The following FRS2 variants were observed in gnomAD, a reference collection of about 807,000 sequenced individuals.
FRS2 encodes fibroblast growth factor receptor substrate 2, also known as FGFR signalling adaptor.
In FRS2, 8 loss-of-function variants were observed where a neutral mutation model predicts 43.9. That is an observed-to-expected ratio of 0.18 (90% CI 0.11 to 0.33). FRS2 has a LOEUF of 0.33. Among genes scored for constraint, FRS2 ranks in the 10% least tolerant of loss-of-function variants. The pLI is 1.00. For synonymous variants in FRS2, 219 were observed against 220.3 expected, an observed-to-expected ratio of 0.99 and a Z score of 0.05; for missense variants, 534 against 627.6, an observed-to-expected ratio of 0.85 and a Z score of 1.59.
chr12:69,482,928 GCC>G (rs1726079673), intron 1 of FRS2, among the ~76,000 whole-genome samples: 1 of 152,128 alleles, frequency 6.6e-6, no homozygotes. Context: ...GTAGGTTAGT[GCC>G]TTGAAAGCTA....
intron 3 of FRS2, among the ~76,000 whole-genome samples, chr12:69,557,636 G>GCGCGCA (rs1309984475): frequency 2.5e-4 from 36 of 146,896 alleles, no homozygotes; most frequent in African/African-American, 3.1e-4. Flanking sequence ...GCGCGCGCGC[G>GCGCGCA]CAGGTGCATG....
chr12:69,481,843 C>T (rs536424363), intron 1 of FRS2, among the ~76,000 whole-genome samples: 1 of 152,292 alleles, frequency 6.6e-6, no homozygotes, highest in Admixed American at 6.5e-5. Context: ...ATGTTTTCCT[C>T]TCAGATTATC....
At chr12:69,558,500 G>C (rs769337158) in intron 3 of FRS2, among the ~76,000 whole-genome samples, 1 of 152,108 alleles carries the variant, frequency 6.6e-6, no homozygotes, top group African/African-American at 2.4e-5. Context: ...CTACATTCCA[G>C]CTCTAAGGAA....
At position 69,558,192 on chromosome 12, in the gene FRS2, G is replaced by A. The variant is rs969084875; in HGVS notation, c.-121-3988G>A. ...AGGTCATTGTACAGTGACACTGCAA[G>A]TCCAGTTGCTGTCGGGGGAATGTTT... On this transcript the variant is annotated intron_variant, in intron 3 of 8. Transcript: ENST00000549921. 2.6e-5 allele frequency among the ~76,000 whole-genome samples: 4 copies of A among 152,346 alleles called. No individual in the cohort carries two copies. The East Asian group carries it at 7.7e-4, about 29-fold the overall frequency.
At chr12:69,492,955 T>C (rs144097748) in intron 1 of FRS2, among the ~76,000 whole-genome samples, 69 of 152,312 alleles carry the variant, frequency 4.5e-4, no homozygotes, top group Non-Finnish European at 8.7e-4. Flanking sequence ...CTATTTTCCT[T>C]TAATTTAGTT....
At chr12:69,483,901 T>C (rs985025633) in intron 1 of FRS2, among the ~76,000 whole-genome samples, 2 of 152,202 alleles carry the variant, frequency 1.3e-5, no homozygotes, top group Non-Finnish European at 2.9e-5. Flanking sequence ...TGTATTCTTT[T>C]AGATTGGGTA....
At chr12:69,527,939 A>G (rs11177704) in intron 1 of FRS2, among the ~76,000 whole-genome samples, 124 of 152,222 alleles carry the variant, frequency 8.1e-4, no homozygotes, top group Non-Finnish European at 1.5e-3. Context: ...GTTTATTTTT[A>G]TACCTAAGGT....
intron 1 of FRS2, among the ~76,000 whole-genome samples, chr12:69,518,038 G>A (rs1040960018): frequency 2.6e-5 from 4 of 152,028 alleles, no homozygotes; most frequent in Admixed American, 2.0e-4. Context: ...CACAAGTTAG[G>A]GAGGACCACT....
intron 1 of FRS2, among the ~76,000 whole-genome samples, chr12:69,516,331 G>A (rs896032962): frequency 6.6e-6 from 1 of 151,596 alleles, no homozygotes; most frequent in African/African-American, 2.4e-5. Flanking sequence ...CCATTCTCCC[G>A]CCTCAGCCTC....
chr12:69,499,663 G>C (rs1052053055), intron 1 of FRS2, among the ~76,000 whole-genome samples: 1 of 152,090 alleles, frequency 6.6e-6, no homozygotes, highest in African/African-American at 2.4e-5. Context: ...TTTGTGGAAT[G>C]AATGAGCTGG....
intron 3 of FRS2, among the ~76,000 whole-genome samples, chr12:69,542,321 G>A (rs12370365): frequency 0.2 from 30,173 of 152,054 alleles, 3,181 homozygotes; most frequent in Middle Eastern, 0.31. Context: ...TTGGTCGTTC[G>A]TATCCATAGG....
At chr12:69,563,731 C>T (rs576590001) in intron 4 of FRS2, among the ~76,000 whole-genome samples, 1 of 152,252 alleles carries the variant, frequency 6.6e-6, no homozygotes, top group South Asian at 2.1e-4. Context: ...TCTCAAGTCC[C>T]TCATTCTACA....
At chr12:69,513,692 A>G (rs1018672383) in intron 1 of FRS2, among the ~76,000 whole-genome samples, 3 of 152,142 alleles carry the variant, frequency 2.0e-5, no homozygotes, top group African/African-American at 7.2e-5. Context: ...TGGTTTTCTG[A>G]TAATAATTAA....
intron 3 of FRS2, among the ~76,000 whole-genome samples, chr12:69,536,098 ATTCTT>A (rs1877249992): frequency 2.4e-5 from 1 of 41,660 alleles, no homozygotes; most frequent in Admixed American, 3.1e-4. Context: ...TAGTATTTTC[ATTCTT>A]TTTTTTTTTT....
At chr12:69,566,571 C>T (rs926379168) in intron 4 of FRS2, among the ~76,000 whole-genome samples, 6 of 151,760 alleles carry the variant, frequency 4.0e-5, no homozygotes, top group Non-Finnish European at 8.8e-5. Flanking sequence ...CACGCCATAG[C>T]ACTCCAGCCT....
chr12:69,565,721 A>G (rs904864243), intron 4 of FRS2, among the ~76,000 whole-genome samples: 4 of 152,304 alleles, frequency 2.6e-5, no homozygotes, highest in East Asian at 3.9e-4. Context: ...GTCCCACTGG[A>G]AAGTCTTCAG....
At chr12:69,482,187 A>G (rs1225101410) in intron 1 of FRS2, among the ~76,000 whole-genome samples, 3 of 152,230 alleles carry the variant, frequency 2.0e-5, no homozygotes, top group Non-Finnish European at 2.9e-5. Context: ...TGTTAGATCA[A>G]GAAGTCAATA....
At chr12:69,552,221 G>A (rs1878936974) in intron 3 of FRS2, among the ~76,000 whole-genome samples, 1 of 137,316 alleles carries the variant, frequency 7.3e-6, no homozygotes, top group Admixed American at 8.4e-5. Context: ...AGAATTGCTT[G>A]AACCTGGGAG....
At chr12:69,500,205 T>G (rs1227549812) in intron 1 of FRS2, among the ~76,000 whole-genome samples, 6 of 152,030 alleles carry the variant, frequency 3.9e-5, no homozygotes, top group Non-Finnish European at 8.8e-5. Flanking sequence ...AGCCTAAATC[T>G]GCCCAGTAAA....
Sources: allele counts gnomAD v4.1 joint callset (sites outside exome capture counted in the v4.1 genomes callset), GRCh38; gene constraint gnomAD v4.1.1; transcripts MANE v1.5; gene names NCBI Gene and HGNC (gene_info 2026-07-23, HGNC 2026-07-21).